MSANTD2: variants seen among roughly 807,000 people sequenced by gnomAD.
MSANTD2 encodes the protein Myb/SANT DNA binding domain containing 2, also known as myb/SANT-like DNA-binding domain-containing protein 2.
MSANTD2 carries 19 observed loss-of-function variants against 52.6 expected under a neutral mutation model. The observed-to-expected ratio is 0.36, with a 90% CI of 0.25 to 0.53. The LOEUF (loss-of-function observed/expected upper bound fraction) is 0.53, where lower values mean the gene tolerates loss of function less well. Ranked by LOEUF, MSANTD2 falls within the 20% of genes least tolerant of loss-of-function variation. The pLI, the probability that MSANTD2 is intolerant of heterozygous loss-of-function variation, is 0.91. For missense variants in MSANTD2, 558 were observed against 716.3 expected, an observed-to-expected ratio of 0.78 and a Z score of 2.52; for synonymous variants, 291 against 289.7, an observed-to-expected ratio of 1.00 and a Z score of -0.04.
intron 3 of MSANTD2, among the ~76,000 whole-genome samples, chr11:124,770,722 C>T (rs1944484059): frequency 2.0e-5 from 3 of 151,764 alleles, no homozygotes. Flanking sequence ...TCTTGTGCCT[C>T]AGCCTCCCGA....
intron 1 of MSANTD2, among the ~76,000 whole-genome samples, chr11:124,798,995 A>C (rs1244982641): frequency 1.3e-5 from 2 of 152,332 alleles, no homozygotes; most frequent in East Asian, 3.9e-4. Context: ...TTCTAGTAGC[A>C]AAATCTTAAC....
intron 1 of MSANTD2, among the ~76,000 whole-genome samples, chr11:124,799,541 G>C (rs1401678641): frequency 6.6e-6 from 1 of 152,228 alleles, no homozygotes; most frequent in Non-Finnish European, 1.5e-5. Flanking sequence ...GGGCCCCGGC[G>C]GTGGGGGCAA....
At chr11:124,789,670 T>G (rs1220641222) in intron 1 of MSANTD2, 1 of 152,174 alleles carries the variant, frequency 6.6e-6, no homozygotes, top group Non-Finnish European at 1.5e-5. Context: ...CAAGGACCTT[T>G]CCCAACTAAA....
intron 1 of MSANTD2, among the ~76,000 whole-genome samples, chr11:124,787,132 T>C (rs1317479927): frequency 3.3e-5 from 5 of 152,318 alleles, no homozygotes; most frequent in Middle Eastern, 3.4e-3. Flanking sequence ...ATTATTATTA[T>C]AATTATTACA....
intron 1 of MSANTD2, among the ~76,000 whole-genome samples, chr11:124,776,952 T>C (rs1242696312): frequency 6.6e-6 from 1 of 152,160 alleles, no homozygotes; most frequent in Non-Finnish European, 1.5e-5. Context: ...GACAAAACTT[T>C]CTAGAACAAA....
chr11:124,775,209 A>G, intron 1 of MSANTD2: 1 of 451,486 alleles, frequency 2.2e-6, no homozygotes, highest in Non-Finnish European at 4.0e-6. Context: ...TTAAACAACA[A>G]GAAACATTAC....
intron 1 of MSANTD2, among the ~76,000 whole-genome samples, chr11:124,797,522 T>TAA (rs199620696): frequency 6.6e-6 from 1 of 151,262 alleles, no homozygotes; most frequent in African/African-American, 2.4e-5. Flanking sequence ...TAAAACAAAT[T>TAA]AAAAAAAATG....
chr11:124,783,136 A>G (rs895219705), intron 1 of MSANTD2, among the ~76,000 whole-genome samples: 5 of 152,194 alleles, frequency 3.3e-5, no homozygotes, highest in African/African-American at 7.2e-5. Context: ...TAATCGGGTC[A>G]AACAGAATGA....
chr11:124,768,261 C>T (rs1326857462), intron 3 of MSANTD2, among the ~76,000 whole-genome samples: 1 of 152,136 alleles, frequency 6.6e-6, no homozygotes, highest in African/African-American at 2.4e-5. Flanking sequence ...AGACAATCAA[C>T]CTATTAAAAT....
chr11:124,798,717 C>T (rs1035609861), intron 1 of MSANTD2, among the ~76,000 whole-genome samples: 6 of 151,982 alleles, frequency 3.9e-5, no homozygotes, highest in Non-Finnish European at 8.8e-5. Context: ...CTCATGATTG[C>T]GCCTATTAGA....
chr11:124,795,829 A>G (rs1055227564), intron 1 of MSANTD2, among the ~76,000 whole-genome samples: 1 of 152,198 alleles, frequency 6.6e-6, no homozygotes, highest in African/African-American at 2.4e-5. Context: ...CAATCACTAG[A>G]TAAAAAACTA....
rs1208888498 is a variant in MSANTD2, at chr11:124,767,992, C to T, written c.864G>A (p.Leu288=). Residue 288 remains leucine, a synonymous_variant, in exon 4 of 4, where the codon TTG becomes TTA. Transcript: ENST00000374979. This position sits in a 1 kb window ranked among gnomAD's most constrained non-coding sequence, Gnocchi z 6.5. ...GTTCCCATTTCAACTGTACCGATTC[C>T]AAAATCTGTACAATATTCTGCATGA... is the stretch of plus-strand genomic sequence containing the variant. ...RDIMQNIVQI[L]ESVQLKWELF... 6.2e-7 allele frequency: 1 copy of T among 1,612,460 alleles called. No individual in the cohort carries two copies.
At chr11:124,788,313 C>A (rs1362300041) in intron 1 of MSANTD2, among the ~76,000 whole-genome samples, 1 of 152,040 alleles carries the variant, frequency 6.6e-6, no homozygotes. Context: ...CACATATGCT[C>A]TTGGAGTTAA....
intron 1 of MSANTD2, among the ~76,000 whole-genome samples, chr11:124,777,683 G>A (rs1015303436): frequency 6.6e-6 from 1 of 152,156 alleles, no homozygotes; most frequent in African/African-American, 2.4e-5. Flanking sequence ...CTTGAATACT[G>A]CACTATGCTA....
At chr11:124,786,415 A>G (rs897204809) in intron 1 of MSANTD2, among the ~76,000 whole-genome samples, 4 of 152,232 alleles carry the variant, frequency 2.6e-5, no homozygotes, top group Admixed American at 2.6e-4. Context: ...CCATTTACAC[A>G]TTAGGTAAAC....
chr11:124,773,511 A>G (rs1043928216), intron 2 of MSANTD2: 1 of 155,498 alleles, frequency 6.4e-6, no homozygotes, highest in African/African-American at 2.4e-5. Context: ...TGGAATGCCA[A>G]AGTAATTTAG....
intron 1 of MSANTD2, chr11:124,784,467 A>G: frequency 1.1e-6 from 1 of 931,274 alleles, no homozygotes; most frequent in Non-Finnish European, 1.2e-6. Context: ...ATGGACAACC[A>G]TGTCTAAAAA....
chr11:124,798,248 A>AAAAAG (rs1945558915), intron 1 of MSANTD2, among the ~76,000 whole-genome samples: 1 of 151,108 alleles, frequency 6.6e-6, no homozygotes, highest in African/African-American at 2.4e-5. Context: ...AAAAAAAAAA[A>AAAAAG]AAAAAAAAAA....
intron 3 of MSANTD2, among the ~76,000 whole-genome samples, chr11:124,768,454 C>T (rs1391728892): frequency 6.6e-6 from 1 of 152,090 alleles, no homozygotes; most frequent in Non-Finnish European, 1.5e-5. Flanking sequence ...ACCTACCTAC[C>T]AAAATAAGGT....
Sources: allele counts gnomAD v4.1 joint callset (sites outside exome capture counted in the v4.1 genomes callset), GRCh38; gene constraint gnomAD v4.1.1; non-coding constraint Gnocchi (gnomAD v3.1); transcripts MANE v1.5; gene names NCBI Gene and HGNC (gene_info 2026-07-23, HGNC 2026-07-21).